GALNTL6: variants seen among roughly 807,000 people sequenced by gnomAD.
GALNTL6 encodes the protein polypeptide N-acetylgalactosaminyltransferase-like 6.
Under a neutral mutation model 73.7 loss-of-function variants are expected in GALNTL6, and 46 were observed. The ratio of observed to expected loss-of-function variants is 0.62; its 90% CI spans 0.49 to 0.80. The LOEUF is 0.80. GALNTL6 is among the 30% of genes least tolerant of loss of function. GALNTL6 has a pLI of 0.00. For synonymous variants in GALNTL6, 259 were observed against 263.7 expected, an observed-to-expected ratio of 0.98 and a Z score of 0.17; for missense variants, 604 against 755.0, an observed-to-expected ratio of 0.80 and a Z score of 2.34.
intron 5 of GALNTL6, among the ~76,000 whole-genome samples, chr4:172,597,101 T>A (rs2111014238): frequency 6.6e-6 from 1 of 152,318 alleles, no homozygotes; most frequent in South Asian, 2.1e-4. Context: ...TAAGTGAGAA[T>A]ATTAGCTATC....
In GALNTL6 at chr4:172,405,427, ATATATATATATATATATT is replaced by A. The variant is rs1467110726; in HGVS notation, c.553+56740_553+56757del. Among the ~76,000 whole-genome samples, 16 of 19,162 alleles carry A rather than the reference ATATATATATATATATATT, an allele frequency of 8.3e-4. No individual in the cohort carries two copies. The East Asian group carries it at 0.015, about 18-fold the overall frequency. 12.6% of individuals were successfully genotyped at this position (19,162 alleles called of 152,430 possible). On this transcript the variant is annotated intron_variant, in intron 5 of 12. Transcript: ENST00000506823. Reference sequence around the variant, plus strand: ...GATATATATATATATATATATATATATATATATATATATATATTTTTTTTTTTTTTTTTTTTTTTCTCC... The same window carrying A: ...GATATATATATATATATATATATATATTTTTTTTTTTTTTTTTTTTTCTCC...
chr4:172,696,498 C>G (rs1733702072), intron 5 of GALNTL6, among the ~76,000 whole-genome samples: 1 of 152,084 alleles, frequency 6.6e-6, no homozygotes, highest in Admixed American at 6.6e-5. Context: ...GATTGTAGCT[C>G]CCCATAATTC....
At chr4:172,827,880 C>A (rs1742354338) in intron 7 of GALNTL6, among the ~76,000 whole-genome samples, 1 of 151,828 alleles carries the variant, frequency 6.6e-6, no homozygotes, top group African/African-American at 2.4e-5. Flanking sequence ...TTTTTCACTG[C>A]ATTCTTTAAG....
intron 5 of GALNTL6, among the ~76,000 whole-genome samples, chr4:172,715,711 T>C (rs1735034819): frequency 6.6e-6 from 1 of 152,198 alleles, no homozygotes; most frequent in South Asian, 2.1e-4. Context: ...ATTGATTTAT[T>C]TGCTACTTTT....
intron 2 of GALNTL6, among the ~76,000 whole-genome samples, chr4:171,896,904 T>G (rs1052342182): frequency 6.6e-6 from 1 of 152,046 alleles, no homozygotes; most frequent in African/African-American, 2.4e-5. Context: ...ATTCTAAAAT[T>G]TGTACAAACT....
Position 172,879,103 on chromosome 4 carries a change from T to C in GALNTL6, c.924-3687T>C, listed in dbSNP as rs147041210. ...AAAGCCTGAACATTTATGCACCTAT[T>C]AAGAGAGCTACGGAAACATGTTGCA... On this transcript the variant is annotated intron_variant, in intron 7 of 12. Transcript: ENST00000506823. 2.4e-3 allele frequency among the ~76,000 whole-genome samples: 364 copies of C among 151,862 alleles called. 2 individuals carry two copies. Among genetic ancestry groups the C allele is most frequent in the African/African-American group, 8.5e-3 (355 of 41,532 alleles).
intron 2 of GALNTL6, among the ~76,000 whole-genome samples, chr4:171,992,183 A>G (rs894522985): frequency 6.6e-6 from 1 of 152,028 alleles, no homozygotes; most frequent in Admixed American, 6.6e-5. Flanking sequence ...ATCTGCATGC[A>G]TGTTCTTGAA....
rs376675813 is a variant in GALNTL6 at position 171,866,339 on chromosome 4, A to G, written c.138+51621A>G. 2.6e-5 allele frequency among the ~76,000 whole-genome samples: 4 copies of G among 152,032 alleles called. No homozygotes were observed. The South Asian group carries it at 8.3e-4, about 32-fold the overall frequency. ...TAAATGCCAGACTTACTTTTATATG[A>G]TGATATCATTTCCAATTAGAGTCAA... On this transcript the variant is annotated intron_variant, in intron 2 of 12. Transcript: ENST00000506823.
intron 5 of GALNTL6, among the ~76,000 whole-genome samples, chr4:172,398,644 G>A (rs1052304105): frequency 2.0e-5 from 3 of 152,250 alleles, no homozygotes; most frequent in African/African-American, 7.2e-5. Context: ...ATGATTTCTT[G>A]ATAATGGTAA....
At chr4:172,373,801 G>T (rs941168235) in intron 5 of GALNTL6, among the ~76,000 whole-genome samples, 1 of 152,254 alleles carries the variant, frequency 6.6e-6, no homozygotes, top group African/African-American at 2.4e-5. Context: ...AACTGAGGAG[G>T]TGGGAGAAAT....
At chr4:172,429,843 C>T (rs115084666) in intron 5 of GALNTL6, among the ~76,000 whole-genome samples, 3,243 of 152,146 alleles carry the variant, frequency 0.021, 114 homozygotes, top group African/African-American at 0.074. Flanking sequence ...GATAAAACTA[C>T]ATTTTTAAAA....
At chr4:171,904,966 G>A (rs1737227115) in intron 2 of GALNTL6, among the ~76,000 whole-genome samples, 1 of 152,084 alleles carries the variant, frequency 6.6e-6, no homozygotes. Flanking sequence ...TCACCACCAG[G>A]CCTGCCCTAA....
intron 5 of GALNTL6, among the ~76,000 whole-genome samples, chr4:172,768,142 T>C (rs1304028894): frequency 1.3e-5 from 2 of 152,248 alleles, no homozygotes; most frequent in African/African-American, 4.8e-5. Context: ...AAGTCTATCC[T>C]ATTTTATTGA....
At chr4:171,988,413 C>T (rs945250595) in intron 2 of GALNTL6, among the ~76,000 whole-genome samples, 6 of 152,102 alleles carry the variant, frequency 3.9e-5, no homozygotes, top group African/African-American at 1.4e-4. Context: ...CAGTACAGCC[C>T]AGGTAATTTG....
intron 5 of GALNTL6, among the ~76,000 whole-genome samples, chr4:172,606,922 G>A (rs1204304198): frequency 1.3e-5 from 2 of 151,532 alleles, no homozygotes; most frequent in Admixed American, 6.6e-5. Flanking sequence ...AAATGTCAGT[G>A]GAGGGGCAGA....
intron 2 of GALNTL6, among the ~76,000 whole-genome samples, chr4:172,053,286 AAAAAACACAAT>A (rs1190599964): frequency 6.6e-6 from 1 of 150,706 alleles, no homozygotes; most frequent in Non-Finnish European, 1.5e-5. Flanking sequence ...GTTTTTTTAA[AAAAAACACAAT>A]AATACAGGGG....
intron 5 of GALNTL6, among the ~76,000 whole-genome samples, chr4:172,370,439 C>T (rs1483174427): frequency 6.6e-6 from 1 of 151,846 alleles, no homozygotes; most frequent in Non-Finnish European, 1.5e-5. Flanking sequence ...TTCTGGCTAA[C>T]GTGGTGAAAC....
chr4:172,391,553 G>A (rs1743665258), intron 5 of GALNTL6, among the ~76,000 whole-genome samples: 1 of 152,060 alleles, frequency 6.6e-6, no homozygotes, highest in South Asian at 2.1e-4. Context: ...AAGTGGAAGA[G>A]GCTTTATGAC....
rs75834070 is a variant in GALNTL6 at position 172,830,235 on chromosome 4, C to T, written c.923+16512C>T. ...AGGAATTCTTATATATAATCAGGGC[C>T]AAACTTTACAGTTTGAAAAAATATA... is the stretch of plus-strand genomic sequence containing the variant. On this transcript the variant is annotated intron_variant, in intron 7 of 12. Coordinates refer to ENST00000506823, the MANE Select transcript of GALNTL6 (RefSeq NM_001034845.3). 1.2e-3 allele frequency among the ~76,000 whole-genome samples: 185 copies of T among 152,140 alleles called. 3 individuals are homozygous for T. In the East Asian group the frequency reaches 0.034, roughly 28 times the overall value.
Sources: gnomAD v4.1 joint callset for allele counts (sites outside exome capture counted in the v4.1 genomes callset) on GRCh38, gnomAD v4.1.1 for gene constraint, MANE v1.5 for transcripts, NCBI Gene and HGNC (gene_info 2026-07-23, HGNC 2026-07-21) for gene names.